CLSTN2: variants seen among roughly 807,000 people sequenced by gnomAD.
The protein encoded by CLSTN2 is calsyntenin-2.
Under a neutral mutation model 101.2 loss-of-function variants are expected in CLSTN2, and 48 were observed. The observed-to-expected ratio is 0.47, with a 90% CI of 0.38 to 0.60. CLSTN2 has a LOEUF of 0.60. Ranked by LOEUF, CLSTN2 falls within the 20% of genes least tolerant of loss-of-function variation. CLSTN2 has a pLI of 0.00. For synonymous variants in CLSTN2, 481 were observed against 463.6 expected, an observed-to-expected ratio of 1.04 and a Z score of -0.48; for missense variants, 1,160 against 1,238.2, an observed-to-expected ratio of 0.94 and a Z score of 0.95.
intron 2 of CLSTN2, among the ~76,000 whole-genome samples, chr3:140,391,847 A>T (rs970498968): frequency 2.0e-5 from 3 of 152,090 alleles, no homozygotes; most frequent in African/African-American, 7.2e-5. Flanking sequence ...TTAAATTTTT[A>T]AAATATTTTT....
chr3:140,334,499 G>T (rs751507667), intron 2 of CLSTN2, among the ~76,000 whole-genome samples: 1 of 152,206 alleles, frequency 6.6e-6, no homozygotes, highest in Non-Finnish European at 1.5e-5. Context: ...CTAAAGAACT[G>T]CTCTGTGCCA....
intron 1 of CLSTN2, among the ~76,000 whole-genome samples, chr3:140,169,524 G>A (rs1455622318): frequency 1.3e-5 from 2 of 152,142 alleles, no homozygotes; most frequent in African/African-American, 4.8e-5. Context: ...CTGAGAGTGG[G>A]CCATCCTTGT....
chr3:140,535,941 T>G (rs1204424375), intron 9 of CLSTN2, among the ~76,000 whole-genome samples: 3 of 152,190 alleles, frequency 2.0e-5, no homozygotes, highest in African/African-American at 7.2e-5. Flanking sequence ...ACAAACCCTT[T>G]AACTCCTGAG....
chr3:140,215,379 G>A (rs1457711825), intron 2 of CLSTN2, among the ~76,000 whole-genome samples: 1 of 152,202 alleles, frequency 6.6e-6, no homozygotes, highest in Non-Finnish European at 1.5e-5. Flanking sequence ...AAAACATAAA[G>A]AGCACATAGA....
chr3:140,529,361 C>T (rs1378412274), intron 8 of CLSTN2, among the ~76,000 whole-genome samples: 1 of 152,212 alleles, frequency 6.6e-6, no homozygotes, highest in Non-Finnish European at 1.5e-5. Context: ...AGGCATCATT[C>T]TGGGGGATGG....
At chr3:140,475,506 G>T (rs1260270109) in intron 8 of CLSTN2, among the ~76,000 whole-genome samples, 1 of 152,130 alleles carries the variant, frequency 6.6e-6, no homozygotes. Context: ...CTTCTGAAGA[G>T]CCTATTCTAA....
chr3:140,248,602 G>A (rs919864790), intron 2 of CLSTN2, among the ~76,000 whole-genome samples: 11 of 152,280 alleles, frequency 7.2e-5, no homozygotes, highest in Non-Finnish European at 1.0e-4. Context: ...CTGCAGATAC[G>A]AAGATGGGGC....
chr3:140,295,649 G>A (rs1331972233), intron 2 of CLSTN2, among the ~76,000 whole-genome samples: 11 of 152,148 alleles, frequency 7.2e-5, no homozygotes, highest in Non-Finnish European at 1.5e-4. Context: ...ATGCAAATAT[G>A]TAAAACAACA....
intron 2 of CLSTN2, among the ~76,000 whole-genome samples, chr3:140,344,041 G>T (rs1286586206): frequency 1.3e-5 from 2 of 152,136 alleles, no homozygotes; most frequent in Non-Finnish European, 2.9e-5. Flanking sequence ...GTTCCAGTTG[G>T]CTATAATTGG....
chr3:140,203,064 C>T (rs1576465663), intron 2 of CLSTN2, among the ~76,000 whole-genome samples: 1 of 152,148 alleles, frequency 6.6e-6, no homozygotes, highest in African/African-American at 2.4e-5. Flanking sequence ...TGAATGTCTA[C>T]ATGGAGTAGT....
chr3:140,352,592 A>G (rs1440345727), intron 2 of CLSTN2, among the ~76,000 whole-genome samples: 1 of 152,208 alleles, frequency 6.6e-6, no homozygotes, highest in Non-Finnish European at 1.5e-5. Context: ...CATTCCGACA[A>G]TGGATGTGCT....
intron 1 of CLSTN2, among the ~76,000 whole-genome samples, chr3:139,979,274 A>G (rs931242858): frequency 2.6e-5 from 4 of 152,202 alleles, no homozygotes; most frequent in African/African-American, 9.7e-5. Flanking sequence ...ATTGCCCCAG[A>G]TAGCAGAGCC....
chr3:140,299,991 A>G (rs2087043020), intron 2 of CLSTN2, among the ~76,000 whole-genome samples: 1 of 152,158 alleles, frequency 6.6e-6, no homozygotes, highest in South Asian at 2.1e-4. Flanking sequence ...CCTTTTGATG[A>G]AAAGAATAAC....
intron 2 of CLSTN2, among the ~76,000 whole-genome samples, chr3:140,359,213 TC>T (rs2087703118): frequency 6.6e-6 from 1 of 151,514 alleles, no homozygotes; most frequent in African/African-American, 2.4e-5. Context: ...GGGCTGCACC[TC>T]CTCATTTCTG....
chr3:139,954,706 CCT>C (rs1935357795), intron 1 of CLSTN2, among the ~76,000 whole-genome samples: 1 of 152,150 alleles, frequency 6.6e-6, no homozygotes, highest in African/African-American at 2.4e-5. Flanking sequence ...AAAGCACTTA[CCT>C]CTGTCTTCAC....
chr3:140,199,685 G>C (rs961548643), intron 2 of CLSTN2, among the ~76,000 whole-genome samples: 3 of 152,140 alleles, frequency 2.0e-5, no homozygotes, highest in Non-Finnish European at 4.4e-5. Context: ...TGATACAGCT[G>C]GCCTTCCCAG....
chr3:140,427,526 A>T (rs2088585185), intron 5 of CLSTN2, among the ~76,000 whole-genome samples: 1 of 151,998 alleles, frequency 6.6e-6, no homozygotes, highest in African/African-American at 2.4e-5. Flanking sequence ...GTCACATCTG[A>T]TGCTTAGGAG....
At chr3:139,995,540 T>G (rs1358450957) in intron 1 of CLSTN2, among the ~76,000 whole-genome samples, 1 of 152,176 alleles carries the variant, frequency 6.6e-6, no homozygotes, top group Non-Finnish European at 1.5e-5. Flanking sequence ...TTGTCTGCAG[T>G]TCTGGACATC....
At chr3:140,310,271 G>T (rs888493799) in intron 2 of CLSTN2, among the ~76,000 whole-genome samples, 1 of 151,936 alleles carries the variant, frequency 6.6e-6, no homozygotes, top group Non-Finnish European at 1.5e-5. Context: ...GCCCATAGGC[G>T]CCCCCACCGC....
Sources: allele counts gnomAD v4.1 joint callset (sites outside exome capture counted in the v4.1 genomes callset), GRCh38; gene constraint gnomAD v4.1.1; transcripts MANE v1.5; gene names NCBI Gene and HGNC (gene_info 2026-07-23, HGNC 2026-07-21).